CFAP47: variants seen among roughly 807,000 people sequenced by gnomAD.
The protein encoded by CFAP47 is cilia and flagella associated protein 47, also known as cilia- and flagella-associated protein 47.
CFAP47 carries 29 observed loss-of-function variants against 148.1 expected under a neutral mutation model. The ratio of observed to expected loss-of-function variants is 0.20; its 90% CI spans 0.15 to 0.27. CFAP47 has a LOEUF of 0.27. CFAP47 is among the 10% of genes least tolerant of loss of function. The pLI, the probability that CFAP47 is intolerant of heterozygous loss-of-function variation, is 1.00. For missense variants in CFAP47, 1,872 were observed against 1,697.5 expected (o/e 1.10, Z -1.81); for synonymous variants, 664 against 577.3 (o/e 1.15, Z -2.15).
At chrX:36,240,084 A>G (rs1940523269) in intron 48 of CFAP47, among the ~76,000 whole-genome samples, 1 of 112,188 alleles carries the variant, frequency 8.9e-6, no homozygotes, top group Non-Finnish European at 1.9e-5. Flanking sequence ...TCACTAAACC[A>G]TAAAAGAACA....
chrX:36,009,533 G>A (rs1937016181), intron 21 of CFAP47, among the ~76,000 whole-genome samples: 1 of 112,138 alleles, frequency 8.9e-6, no homozygotes. Context: ...CTGCAAGCTA[G>A]TGCCACTGCA....
chrX:36,321,201 AAGAG>A (rs1310184960), intron 57 of CFAP47, among the ~76,000 whole-genome samples: 12 of 111,303 alleles, frequency 1.1e-4, no homozygotes, highest in Non-Finnish European at 2.1e-4. Context: ...TCAGCCATAA[AAGAG>A]AGAGAGAGAG....
At chrX:36,222,776 T>C (rs923018065) in intron 45 of CFAP47, among the ~76,000 whole-genome samples, 1 of 110,863 alleles carries the variant, frequency 9.0e-6, no homozygotes, top group Non-Finnish European at 1.9e-5. Context: ...CCAGAGTATT[T>C]GTGATTCAGA....
At chrX:36,089,876 A>G (rs1938155733) in intron 30 of CFAP47, among the ~76,000 whole-genome samples, 1 of 112,109 alleles carries the variant, frequency 8.9e-6, no homozygotes, top group South Asian at 3.7e-4. Flanking sequence ...ATCACGTGAC[A>G]TATAGTAGAT....
chrX:36,100,909 T>A (rs1938364878), intron 32 of CFAP47, among the ~76,000 whole-genome samples: 1 of 111,180 alleles, frequency 9.0e-6, no homozygotes, highest in Admixed American at 9.6e-5. Flanking sequence ...TCTTCCATGT[T>A]GTTCTCTGCT....
intron 56 of CFAP47, among the ~76,000 whole-genome samples, chrX:36,311,543 A>G (rs1556010013): frequency 3.6e-5 from 4 of 111,040 alleles, no homozygotes; most frequent in Non-Finnish European, 1.9e-5. Flanking sequence ...TTTGAAACAC[A>G]TTTTCAATCT....
chrX:36,266,218 A>G (rs931904591), intron 49 of CFAP47, among the ~76,000 whole-genome samples: 2 of 110,437 alleles, frequency 1.8e-5, no homozygotes, highest in Non-Finnish European at 3.8e-5. Flanking sequence ...TGGGAGCACC[A>G]CAGGTGACAG....
In CFAP47 at chrX:35,975,812, G is replaced by A; in HGVS notation, c.2612G>A (p.Gly871Glu). 1 of 1,209,852 alleles carries A rather than the reference G, an allele frequency of 8.3e-7. No individual in the cohort carries two copies. The highest frequency in any genetic ancestry group is 1.1e-6 in the Non-Finnish European group (1 of 894,198). Reference protein sequence around the residue: ...RGFFMKTCFRGTVRLYNRQNC... With the variant: ...RGFFMKTCFRETVRLYNRQNC... ...TTCTTCATGAAAACATGTTTTCGGG[G>A]GACAGTTAGATTGTATAATCGTCAG... Residue 871 changes from glycine to glutamate, a missense_variant, in exon 15 of 64, where the codon GGG becomes GAG. Coordinates refer to ENST00000378653, the MANE Select transcript of CFAP47 (RefSeq NM_001304548.2).
Position 36,277,666 on chromosome X carries a change from T to A in CFAP47, c.7445-2821T>A, listed in dbSNP as rs1178690715. 2.7e-5 allele frequency among the ~76,000 whole-genome samples: 3 copies of A among 112,598 alleles called. No individual in the cohort carries two copies. The East Asian group carries it at 8.4e-4, about 31-fold the overall frequency. On this transcript the variant is annotated intron_variant, in intron 49 of 63. Coordinates refer to ENST00000378653, the MANE Select transcript of CFAP47 (RefSeq NM_001304548.2). ...TACTATGTAGAATGTGTTTTCAGTT[T>A]AATCTCTGTCCTGTCCAGTATTAAA...
At chrX:36,261,617 A>G (rs1940824366) in intron 49 of CFAP47, among the ~76,000 whole-genome samples, 1 of 109,463 alleles carries the variant, frequency 9.1e-6, no homozygotes. Flanking sequence ...GACACAGCAC[A>G]TGTTTCAGAG....
intron 51 of CFAP47, among the ~76,000 whole-genome samples, chrX:36,294,611 C>G (rs1236815862): frequency 2.7e-5 from 3 of 110,313 alleles, no homozygotes; most frequent in Non-Finnish European, 5.7e-5. Context: ...ACTCGGGAGG[C>G]TGAGGCAGGA....
intron 37 of CFAP47, among the ~76,000 whole-genome samples, chrX:36,153,561 G>A (rs1451996017): frequency 8.9e-6 from 1 of 112,439 alleles, no homozygotes; most frequent in African/African-American, 3.2e-5. Flanking sequence ...TGCCTCCAGA[G>A]CTCTACTGGG....
intron 33 of CFAP47, among the ~76,000 whole-genome samples, chrX:36,122,068 GT>G (rs1196741954): frequency 2.7e-5 from 3 of 109,258 alleles, no homozygotes; most frequent in Admixed American, 9.8e-5. Context: ...AGAGCAAAAG[GT>G]TTTTTTTTGT....
intron 23 of CFAP47, among the ~76,000 whole-genome samples, chrX:36,034,016 A>T (rs1937311334): frequency 1.8e-5 from 2 of 111,514 alleles, no homozygotes; most frequent in East Asian, 5.6e-4. Flanking sequence ...TTAGTACAAC[A>T]TTATTGACTA....
At chrX:36,069,316 T>C (rs928062028) in intron 27 of CFAP47, among the ~76,000 whole-genome samples, 1 of 111,681 alleles carries the variant, frequency 9.0e-6, no homozygotes, top group African/African-American at 3.2e-5. Flanking sequence ...TTATTATTGC[T>C]ATTATCACTG....
intron 35 of CFAP47, 104 bp downstream of exon 35, chrX:36,138,568 GA>G: frequency 1.1e-6 from 1 of 884,970 alleles, no homozygotes. Flanking sequence ...AATTTAAATT[GA>G]AACAGGCTTT....
At chrX:36,240,436 G>C (rs1455586198) in intron 48 of CFAP47, among the ~76,000 whole-genome samples, 1 of 111,267 alleles carries the variant, frequency 9.0e-6, no homozygotes, top group Non-Finnish European at 1.9e-5. Flanking sequence ...TATAAATATA[G>C]TTATAAAAAT....
intron 35 of CFAP47, among the ~76,000 whole-genome samples, chrX:36,141,573 G>A (rs1939141300): frequency 9.0e-6 from 1 of 111,099 alleles, no homozygotes; most frequent in African/African-American, 3.3e-5. Context: ...CAGCCATTTA[G>A]GTATCCCTCA....
intron 2 of CFAP47, among the ~76,000 whole-genome samples, chrX:35,930,263 C>A (rs893265423): frequency 2.7e-5 from 3 of 110,759 alleles, no homozygotes; most frequent in African/African-American, 9.9e-5. Flanking sequence ...TCAGTCTTGC[C>A]CTTGTATACA....
Sources: allele counts gnomAD v4.1 joint callset (sites outside exome capture counted in the v4.1 genomes callset), GRCh38; gene constraint gnomAD v4.1.1; transcripts MANE v1.5; gene names NCBI Gene and HGNC (gene_info 2026-07-23, HGNC 2026-07-21).